The following VWC2 variants were observed in gnomAD, a reference collection of about 807,000 sequenced individuals.
VWC2 encodes von Willebrand factor C domain containing 2.
VWC2 carries 14 observed loss-of-function variants against 29.8 expected under a neutral mutation model. The ratio of observed to expected loss-of-function variants is 0.47; its 90% CI spans 0.31 to 0.74. The LOEUF is 0.74. Ranked by LOEUF, VWC2 falls within the 30% of genes least tolerant of loss-of-function variation. VWC2 has a pLI of 0.05. For missense variants in VWC2, 457 were observed against 459.8 expected, an observed-to-expected ratio of 0.99 and a Z score of 0.05; for synonymous variants, 213 against 199.0, an observed-to-expected ratio of 1.07 and a Z score of -0.59.
chr7:49,857,950 C>G (rs1217927922), intron 3 of VWC2, among the ~76,000 whole-genome samples: 2 of 152,070 alleles, frequency 1.3e-5, no homozygotes, highest in Non-Finnish European at 2.9e-5. Flanking sequence ...GAGATGAGAC[C>G]ACACAGGCTT....
At chr7:49,834,659 T>TGCTAGAAATCAAGTAAGA (rs1789615691) in intron 3 of VWC2, among the ~76,000 whole-genome samples, 1 of 152,236 alleles carries the variant, frequency 6.6e-6, no homozygotes, top group Non-Finnish European at 1.5e-5. Flanking sequence ...TTAAAATATC[T>TGCTAGAAATCAAGTAAGA]AGCTTAGTTT....
rs141812200 is a variant in VWC2 at position 49,830,512 on chromosome 7, G to A, written c.826+27672G>A. Among the ~76,000 whole-genome samples, 370 of 152,104 alleles carry A rather than the reference G, an allele frequency of 2.4e-3. 10 individuals carry two copies. The East Asian group carries it at 0.063, about 26-fold the overall frequency. On this transcript the variant is annotated intron_variant, in intron 3 of 3. Coordinates refer to ENST00000340652, the MANE Select transcript of VWC2 (RefSeq NM_198570.5). ...GTTTTATTTAACGCTACTCTTTCAGGTTTTCTCTTTTTTATTATTATTATA... is the reference window on the plus strand; with the variant it reads ...GTTTTATTTAACGCTACTCTTTCAGATTTTCTCTTTTTTATTATTATTATA...
In VWC2 at chr7:49,835,613, A is replaced by G. The variant is rs373401647; in HGVS notation, c.826+32773A>G. Among the ~76,000 whole-genome samples the G allele has an allele frequency of 1.7e-4, 26 of 152,350 alleles. No homozygotes were observed. In the East Asian group the frequency reaches 2.9e-3, roughly 17 times the overall value. ...GGAGAGGGAACAAAAAGGAAGAACA[A>G]AAAAGAAACTTGGAGCCTATGAAGA... On this transcript the variant is annotated intron_variant, in intron 3 of 3. Transcript: ENST00000340652.
Position 49,775,444 on chromosome 7 carries a change from C to A in VWC2, c.9C>A (p.Ser3Arg). 1 of 1,440,088 alleles carries A rather than the reference C, an allele frequency of 6.9e-7. No individual in the cohort carries two copies. Among genetic ancestry groups the A allele is most frequent in the East Asian group, 2.9e-5 (1 of 34,196 alleles). 89.2% of individuals were successfully genotyped at this position (1,440,088 alleles called of 1,614,324 possible). MP[S>R]STAMAVGALS... ...CCGGGACGTGGTAGGGGATGCCCAG[C>A]TCCACTGCGATGGCAGTTGGCGCGC... is the stretch of plus-strand genomic sequence containing the variant. Residue 3 changes from serine (S) to arginine (R), a missense_variant, in exon 2 of 4, where the codon AGC (serine) becomes AGA (arginine). Physicochemically the swap from Ser to Arg is moderately radical, Grantham distance 110 (BLOSUM62 -1). Coordinates refer to ENST00000340652, the MANE Select transcript of VWC2 (RefSeq NM_198570.5).
chr7:49,796,669 C>T (rs1467106917), intron 2 of VWC2, among the ~76,000 whole-genome samples: 2 of 152,142 alleles, frequency 1.3e-5, no homozygotes, highest in Admixed American at 1.3e-4. Context: ...GAAAGACATT[C>T]AAGACATTAA....
At chr7:49,774,952 G>C (rs190069804) in intron 1 of VWC2, among the ~76,000 whole-genome samples, 1 of 151,730 alleles carries the variant, frequency 6.6e-6, no homozygotes, top group African/African-American at 2.4e-5. Context: ...AATAACCTTC[G>C]GGAAATGTGG....
chr7:49,848,411 G>A (rs1790044253), intron 3 of VWC2, among the ~76,000 whole-genome samples: 7 of 152,310 alleles, frequency 4.6e-5, no homozygotes, highest in Admixed American at 4.6e-4. Flanking sequence ...GCCGGGCATG[G>A]CCCCGGACCA....
intron 3 of VWC2, among the ~76,000 whole-genome samples, chr7:49,887,532 G>A (rs1362984353): frequency 1.7e-5 from 1 of 57,848 alleles, no homozygotes; most frequent in Non-Finnish European, 3.5e-5. Context: ...ACACCATGCT[G>A]TATTCTTAAA....
chr7:49,806,774 A>G (rs1161459743), intron 3 of VWC2, among the ~76,000 whole-genome samples: 2 of 151,840 alleles, frequency 1.3e-5, no homozygotes, highest in Admixed American at 6.6e-5. Context: ...TCATATCAAG[A>G]TCCTCTCACA....
intron 2 of VWC2, among the ~76,000 whole-genome samples, chr7:49,788,391 C>T (rs12333649): frequency 0.26 from 39,798 of 151,946 alleles, 7,305 homozygotes; most frequent in African/African-American, 0.52. Flanking sequence ...GGCATTGTCA[C>T]TGCCATCTCA....
chr7:49,842,222 A>G (rs1789811432), intron 3 of VWC2, among the ~76,000 whole-genome samples: 1 of 152,192 alleles, frequency 6.6e-6, no homozygotes, highest in Non-Finnish European at 1.5e-5. Flanking sequence ...TGATAAATAC[A>G]TGTTAAATCT....
intron 3 of VWC2, among the ~76,000 whole-genome samples, chr7:49,830,200 C>T (rs1184649532): frequency 6.6e-6 from 1 of 152,066 alleles, no homozygotes; most frequent in Non-Finnish European, 1.5e-5. Flanking sequence ...AAATCTTAGG[C>T]ATTATCCTTT....
rs543797693 is a variant in VWC2 at position 49,853,648 on chromosome 7, C to T, written c.826+50808C>T. Among the ~76,000 whole-genome samples the T allele has an allele frequency of 7.9e-5, 12 of 151,500 alleles. No homozygotes were observed. In the South Asian group the frequency reaches 8.3e-4, roughly 11 times the overall value. On this transcript the variant is annotated intron_variant, in intron 3 of 3. Coordinates refer to ENST00000340652, the MANE Select transcript of VWC2 (RefSeq NM_198570.5). ...ACGTAACATAAAGTATGTTTATGAA[C>T]GTTTGTTTTTCTTCTTGTCATTTAT... is the stretch of plus-strand genomic sequence containing the variant.
At chr7:49,893,570 G>A (rs146011463) in intron 3 of VWC2, among the ~76,000 whole-genome samples, 1 of 151,488 alleles carries the variant, frequency 6.6e-6, no homozygotes, top group East Asian at 1.9e-4. Context: ...AAATAAATGT[G>A]CACAAACACA....
intron 3 of VWC2, among the ~76,000 whole-genome samples, chr7:49,882,195 A>G (rs111692833): frequency 1.4e-4 from 22 of 152,188 alleles, no homozygotes; most frequent in African/African-American, 4.8e-4. Context: ...AAAGAGAACA[A>G]AACTAGTGGA....
chr7:49,838,491 G>A (rs1242183510), intron 3 of VWC2, among the ~76,000 whole-genome samples: 1 of 151,956 alleles, frequency 6.6e-6, no homozygotes, highest in African/African-American at 2.4e-5. Flanking sequence ...TGGAGGATGG[G>A]AGCCGGGAGG....
At chr7:49,873,228 C>T (rs1349201037) in intron 3 of VWC2, among the ~76,000 whole-genome samples, 1 of 152,164 alleles carries the variant, frequency 6.6e-6, no homozygotes, top group African/African-American at 2.4e-5. Context: ...AGACAACAGA[C>T]ATTTATTTTT....
intron 3 of VWC2, among the ~76,000 whole-genome samples, chr7:49,885,339 T>A (rs1040560310): frequency 6.6e-6 from 1 of 152,128 alleles, no homozygotes; most frequent in East Asian, 1.9e-4. Flanking sequence ...AACCACAACC[T>A]AATTTTTAAA....
intron 3 of VWC2, among the ~76,000 whole-genome samples, chr7:49,832,480 A>C (rs1260446577): frequency 6.6e-6 from 1 of 152,164 alleles, no homozygotes; most frequent in Non-Finnish European, 1.5e-5. Flanking sequence ...ATAGGCAGAA[A>C]GGACTTAAGG....
Sources: gnomAD v4.1 joint callset for allele counts (sites outside exome capture counted in the v4.1 genomes callset) on GRCh38, gnomAD v4.1.1 for gene constraint, MANE v1.5 for transcripts, NCBI Gene and HGNC (gene_info 2026-07-23, HGNC 2026-07-21) for gene names.